Variants in DIAPH2 observed in about 807,000 individuals in gnomAD.
The protein encoded by DIAPH2 is diaphanous related formin 2.
A neutral mutation model predicts 92.7 loss-of-function variants in DIAPH2; 35 were observed. The observed-to-expected ratio is 0.38, with a 90% CI of 0.29 to 0.50. The LOEUF is 0.50. DIAPH2 is among the 20% of genes least tolerant of loss of function. DIAPH2 has a pLI of 0.94. For missense variants in DIAPH2, 701 were observed against 819.5 expected, an observed-to-expected ratio of 0.86 and a Z score of 1.77; for synonymous variants, 301 against 280.4, an observed-to-expected ratio of 1.07 and a Z score of -0.73.
At chrX:96,880,707 A>G (rs1455227351) in intron 4 of DIAPH2, among the ~76,000 whole-genome samples, 1 of 111,705 alleles carries the variant, frequency 9.0e-6, no homozygotes, top group Non-Finnish European at 1.9e-5. Context: ...TGGAGTCTTA[A>G]TTCAGGGATA....
At chrX:97,102,141 C>A (rs2066909979) in intron 20 of DIAPH2, among the ~76,000 whole-genome samples, 1 of 112,451 alleles carries the variant, frequency 8.9e-6, no homozygotes, top group African/African-American at 3.2e-5. Context: ...TTCTTCCTTT[C>A]TGCTCCCTTT....
intron 26 of DIAPH2, among the ~76,000 whole-genome samples, chrX:97,563,937 C>T (rs1172401273): frequency 9.0e-6 from 1 of 111,715 alleles, no homozygotes; most frequent in Non-Finnish European, 1.9e-5. Context: ...CATTCTACTT[C>T]CTTAGTACAA....
chrX:97,508,661 A>G (rs1256679101), intron 26 of DIAPH2, among the ~76,000 whole-genome samples: 6 of 112,270 alleles, frequency 5.3e-5, no homozygotes, highest in African/African-American at 1.9e-4. Context: ...CATTACTTAC[A>G]TTATGAAGTG....
chrX:97,589,677 C>T (rs928946921), intron 26 of DIAPH2, among the ~76,000 whole-genome samples: 11 of 111,672 alleles, frequency 9.9e-5, no homozygotes, highest in Non-Finnish European at 1.9e-4. Flanking sequence ...TACATTTATC[C>T]GATAATGTGA....
chrX:96,977,788 G>A (rs780345324), intron 17 of DIAPH2, among the ~76,000 whole-genome samples: 106 of 110,379 alleles, frequency 9.6e-4, no homozygotes, highest in African/African-American at 3.4e-3. Flanking sequence ...GGTTCAAGCA[G>A]TTCTCCTGCC....
In DIAPH2 at chrX:97,286,787, C is replaced by T. The variant is rs186721338; in HGVS notation, c.2844+38948C>T. Reference sequence around the variant, plus strand: ...CTGTCTGTATACCACTGGCATGGGGCACCTTGGCCTCTTCAGGAATGACCC... The same window carrying T: ...CTGTCTGTATACCACTGGCATGGGGTACCTTGGCCTCTTCAGGAATGACCC... On this transcript the variant is annotated intron_variant, in intron 23 of 26. Transcript: ENST00000324765. 3.8e-3 allele frequency among the ~76,000 whole-genome samples: 423 copies of T among 111,209 alleles called. 2 individuals are homozygous for T. Among genetic ancestry groups the T allele is most frequent in the Non-Finnish European group, 5.8e-3 (306 of 53,109 alleles).
chrX:97,576,623 A>G (rs1318047734), intron 26 of DIAPH2, among the ~76,000 whole-genome samples: 2 of 111,637 alleles, frequency 1.8e-5, no homozygotes, highest in Non-Finnish European at 3.8e-5. Flanking sequence ...GATTCAGGAT[A>G]GGCCAATTCA....
intron 4 of DIAPH2, among the ~76,000 whole-genome samples, chrX:96,852,678 G>T (rs1247429949): frequency 9.0e-6 from 1 of 111,278 alleles, no homozygotes; most frequent in Non-Finnish European, 1.9e-5. Flanking sequence ...AAAGCTTAGA[G>T]CTCTGACAGC....
intron 9 of DIAPH2, among the ~76,000 whole-genome samples, chrX:96,928,921 A>T (rs2065601147): frequency 1.8e-5 from 2 of 111,601 alleles, no homozygotes; most frequent in Non-Finnish European, 3.8e-5. Context: ...TATTATCTTT[A>T]TTGTCTCCTG....
chrX:97,548,298 T>C (rs1193970476), intron 26 of DIAPH2, among the ~76,000 whole-genome samples: 1 of 112,393 alleles, frequency 8.9e-6, no homozygotes, highest in Non-Finnish European at 1.9e-5. Context: ...AAAGAATTTG[T>C]TCCCCTCTTC....
At chrX:97,243,493 T>C (rs2068115074) in intron 22 of DIAPH2, among the ~76,000 whole-genome samples, 1 of 109,224 alleles carries the variant, frequency 9.2e-6, no homozygotes, top group Non-Finnish European at 1.9e-5. Flanking sequence ...AATTCCCCCA[T>C]GCAAAGATAA....
intron 19 of DIAPH2, among the ~76,000 whole-genome samples, chrX:97,096,671 T>C (rs1438487392): frequency 1.8e-5 from 2 of 111,215 alleles, no homozygotes; most frequent in Non-Finnish European, 3.8e-5. Flanking sequence ...ATGTATTTTT[T>C]CCCTGCTTTC....
At chrX:97,046,708 A>G (rs746330787) in intron 17 of DIAPH2, among the ~76,000 whole-genome samples, 10 of 112,060 alleles carry the variant, frequency 8.9e-5, no homozygotes, top group Non-Finnish European at 1.3e-4. Flanking sequence ...AAAGTGCATT[A>G]GATAATGATT....
chrX:96,839,627 G>C (rs1422039203), intron 4 of DIAPH2, among the ~76,000 whole-genome samples: 4 of 111,700 alleles, frequency 3.6e-5, no homozygotes, highest in Admixed American at 1.9e-4. Context: ...ATTAATTTAA[G>C]AGTTTAATTA....
intron 23 of DIAPH2, among the ~76,000 whole-genome samples, chrX:97,324,234 C>G (rs2068931525): frequency 1.8e-5 from 2 of 111,835 alleles, no homozygotes; most frequent in African/African-American, 6.5e-5. Context: ...TTACTTACTC[C>G]TATAGAAAGC....
chrX:97,214,895 G>A (rs774373848), intron 22 of DIAPH2, among the ~76,000 whole-genome samples: 2 of 105,899 alleles, frequency 1.9e-5, no homozygotes, highest in South Asian at 4.3e-4. Context: ...ATAAACTTGA[G>A]TATTGATTTT....
At chrX:97,567,062 C>A (rs761117367) in intron 26 of DIAPH2, among the ~76,000 whole-genome samples, 10 of 111,459 alleles carry the variant, frequency 9.0e-5, no homozygotes, top group African/African-American at 3.3e-4. Context: ...ACCCCTAAAA[C>A]ACATAATAAC....
chrX:96,859,653 ATTTT>A (rs1556252130), intron 4 of DIAPH2, among the ~76,000 whole-genome samples: 41 of 67,439 alleles, frequency 6.1e-4, no homozygotes, highest in Middle Eastern at 8.2e-3. Context: ...TTATTTATTT[ATTTT>A]TTGAGAGGGA....
chrX:96,806,331 T>C (rs934092408), intron 4 of DIAPH2, among the ~76,000 whole-genome samples: 1 of 111,299 alleles, frequency 9.0e-6, no homozygotes, highest in Non-Finnish European at 1.9e-5. Flanking sequence ...GGGCTTGTAA[T>C]TTGAAAATGT....
Sources: gnomAD v4.1 joint callset for allele counts (sites outside exome capture counted in the v4.1 genomes callset) on GRCh38, gnomAD v4.1.1 for gene constraint, MANE v1.5 for transcripts, NCBI Gene and HGNC (gene_info 2026-07-23, HGNC 2026-07-21) for gene names.